PDE10A: variants seen among roughly 807,000 people sequenced by gnomAD.
The protein encoded by PDE10A is cAMP and cAMP-inhibited cGMP 3',5'-cyclic phosphodiesterase 10A.
A neutral mutation model predicts 97.7 loss-of-function variants in PDE10A; 39 were observed. The ratio of observed to expected loss-of-function variants is 0.40; its 90% CI spans 0.31 to 0.52. The LOEUF (loss-of-function observed/expected upper bound fraction) is 0.52. PDE10A is among the 20% of genes least tolerant of loss of function. PDE10A has a pLI of 0.56. For synonymous variants in PDE10A, 371 were observed against 376.8 expected (o/e 0.98, Z 0.18); for missense variants, 731 against 1,047.8 (o/e 0.70, Z 4.17).
chr6:165,882,253 G>A (rs553112333), intron 1 of PDE10A, among the ~76,000 whole-genome samples: 13 of 152,170 alleles, frequency 8.5e-5, no homozygotes, highest in Non-Finnish European at 1.9e-4. Flanking sequence ...AGAATTACTT[G>A]TTGATACATC....
intron 2 of PDE10A, among the ~76,000 whole-genome samples, chr6:165,535,774 A>C (rs1050764992): frequency 6.6e-6 from 1 of 151,908 alleles, no homozygotes; most frequent in African/African-American, 2.4e-5. Context: ...TAAGCAAAGA[A>C]GTGAAAGATA....
At chr6:165,886,871 A>G (rs894112713) in intron 1 of PDE10A, among the ~76,000 whole-genome samples, 33 of 152,232 alleles carry the variant, frequency 2.2e-4, no homozygotes, top group African/African-American at 7.7e-4. Context: ...ACTGGGAAGC[A>G]TAATGCCATC....
rs956957271 is a variant in PDE10A at position 165,329,389 on chromosome 6, T to C, written c.*3636A>G. 6.6e-6 allele frequency: 1 copy of C among 152,204 alleles called. No individual in the cohort carries two copies. The highest frequency in any genetic ancestry group is 1.5e-5 in the Non-Finnish European group (1 of 68,030). 9.4% of individuals were successfully genotyped at this position (152,204 alleles called of 1,614,324 possible). A position where few individuals can be genotyped will look rare whatever the true frequency, so the allele number is the denominator to read the frequency against. ...GCGTTCCTGCAAATATTTTCAATTA[T>C]ACTTAAGCAAGAAAAGCAAAATAAT... On this transcript the variant is annotated 3_prime_UTR_variant, in exon 22 of 22. Transcript: ENST00000539869.
chr6:165,644,352 T>C (rs1452239344), intron 1 of PDE10A, among the ~76,000 whole-genome samples: 2 of 152,190 alleles, frequency 1.3e-5, no homozygotes, highest in African/African-American at 4.8e-5. Context: ...TGAGCCACCA[T>C]GCCCGGCCAG....
At chr6:165,817,925 C>T (rs1031872814) in intron 1 of PDE10A, among the ~76,000 whole-genome samples, 1 of 152,220 alleles carries the variant, frequency 6.6e-6, no homozygotes, top group Non-Finnish European at 1.5e-5. Context: ...CTATCTGACC[C>T]TACCTGCCTC....
chr6:165,960,649 A>G (rs1319932504), intron 1 of PDE10A, among the ~76,000 whole-genome samples: 1 of 152,260 alleles, frequency 6.6e-6, no homozygotes, highest in Non-Finnish European at 1.5e-5. Flanking sequence ...GTCAGCAGTT[A>G]GCGCAGATCT....
At chr6:165,939,692 C>G (rs1193936479) in intron 1 of PDE10A, 2 of 152,174 alleles carry the variant, frequency 1.3e-5, no homozygotes, top group Non-Finnish European at 2.9e-5. Context: ...AGTGTGGATT[C>G]CATTGTCCTC....
At chr6:165,891,877 C>T (rs745404768) in intron 1 of PDE10A, among the ~76,000 whole-genome samples, 1 of 152,020 alleles carries the variant, frequency 6.6e-6, no homozygotes, top group Non-Finnish European at 1.5e-5. Context: ...TTATTAATAA[C>T]CTTCGTGATC....
In PDE10A at chr6:165,671,320, T is replaced by C. The variant is rs1790642001; in HGVS notation, c.-614-127752A>G. Among the ~76,000 whole-genome samples the C allele has an allele frequency of 6.6e-6, 1 of 152,068 alleles. No homozygotes were observed. Among genetic ancestry groups the C allele is most frequent in the Admixed American group, 6.6e-5 (1 of 15,256 alleles). ...AGGTAAACTTGGTAATTTTATTATT[T>C]TGGGAATATAGTAAGCACAACGACC... On this transcript the variant is annotated intron_variant, in intron 1 of 19. Coordinates refer to the PDE10A transcript ENST00000366882. This position sits in a 1 kb window ranked among gnomAD's most constrained non-coding sequence, Gnocchi z 4.6.
intron 1 of PDE10A, among the ~76,000 whole-genome samples, chr6:165,972,461 AATT>A (rs1344239649): frequency 6.6e-6 from 1 of 152,164 alleles, no homozygotes; most frequent in African/African-American, 2.4e-5. Flanking sequence ...CACGAAAAAA[AATT>A]ATTTGTGAAA....
intron 2 of PDE10A, among the ~76,000 whole-genome samples, chr6:165,534,353 T>A (rs1169776336): frequency 1.4e-5 from 2 of 148,072 alleles, no homozygotes; most frequent in Non-Finnish European, 3.0e-5. Context: ...GTTTCATTGA[T>A]GAATTTCCCA....
intron 1 of PDE10A, chr6:165,894,349 C>A: frequency 2.2e-6 from 1 of 456,102 alleles, no homozygotes; most frequent in Non-Finnish European, 4.4e-6. Context: ...AAATGACAGA[C>A]TGAAACTACA....
chr6:165,375,891 A>G (rs1254370159), intron 18 of PDE10A, among the ~76,000 whole-genome samples: 1 of 150,776 alleles, frequency 6.6e-6, no homozygotes, highest in Non-Finnish European at 1.5e-5. Context: ...TGATATACTG[A>G]ACATTCTAAG....
intron 14 of PDE10A, 36 bp from the exon 15 acceptor site, chr6:165,395,300 G>A (rs2128217796): frequency 7.3e-7 from 1 of 1,366,074 alleles, no homozygotes; most frequent in Non-Finnish European, 1.0e-6. Flanking sequence ...CACTAAACGT[G>A]ATTAGAATAA....
intron 1 of PDE10A, among the ~76,000 whole-genome samples, chr6:165,867,287 C>T (rs1214601265): frequency 6.7e-6 from 1 of 148,980 alleles, no homozygotes; most frequent in Non-Finnish European, 1.5e-5. Flanking sequence ...ACTCACTTCA[C>T]CAGTAAAGAC....
chr6:165,383,112 C>A (rs1299706236), intron 17 of PDE10A, among the ~76,000 whole-genome samples: 1 of 152,010 alleles, frequency 6.6e-6, no homozygotes, highest in East Asian at 1.9e-4. Context: ...AGATAACTTT[C>A]TGAAATATGA....
intron 1 of PDE10A, among the ~76,000 whole-genome samples, chr6:165,895,834 GT>G (rs1216274708): frequency 6.6e-6 from 1 of 152,152 alleles, no homozygotes; most frequent in Non-Finnish European, 1.5e-5. Flanking sequence ...CCTGTCAATG[GT>G]GGAGATGATG....
At chr6:165,567,106 T>C (rs1465216471) in intron 1 of PDE10A, among the ~76,000 whole-genome samples, 2 of 152,186 alleles carry the variant, frequency 1.3e-5, no homozygotes, top group Admixed American at 6.5e-5. Flanking sequence ...TGGAATATCA[T>C]ACAATAATGA....
At chr6:165,626,119 G>A (rs1242609018) in intron 1 of PDE10A, among the ~76,000 whole-genome samples, 2 of 152,158 alleles carry the variant, frequency 1.3e-5, no homozygotes, top group Non-Finnish European at 1.5e-5. Flanking sequence ...CAAAGACACA[G>A]TTACCCAGGA....
Sources: allele counts gnomAD v4.1 joint callset (sites outside exome capture counted in the v4.1 genomes callset), GRCh38; gene constraint gnomAD v4.1.1; non-coding constraint Gnocchi (gnomAD v3.1); transcripts MANE v1.5; gene names NCBI Gene and HGNC (gene_info 2026-07-23, HGNC 2026-07-21).